B4GALNT3: variants seen among roughly 807,000 people sequenced by gnomAD.
The protein encoded by B4GALNT3 is beta-1,4-N-acetylgalactosaminyltransferase 3.
In B4GALNT3, 86 loss-of-function variants were observed where a neutral mutation model predicts 120.2. The observed-to-expected ratio is 0.72, with a 90% CI of 0.60 to 0.86. The LOEUF is 0.86. Ranked by LOEUF, B4GALNT3 falls within the 40% of genes least tolerant of loss-of-function variation. B4GALNT3 has a pLI of 0.00. For synonymous variants in B4GALNT3, 518 were observed against 510.4 expected, an observed-to-expected ratio of 1.01 and a Z score of -0.20; for missense variants, 1,167 against 1,298.9, an observed-to-expected ratio of 0.90 and a Z score of 1.56.
chr12:481,633 T>A (rs114518743), intron 1 of B4GALNT3, among the ~76,000 whole-genome samples: 3,467 of 152,310 alleles, frequency 0.023, 123 homozygotes, highest in African/African-American at 0.079. Context: ...ATGGTGGAGC[T>A]GCCTGGGTGG....
At chr12:499,684 G>A (rs1313081111) in intron 1 of B4GALNT3, among the ~76,000 whole-genome samples, 2 of 149,424 alleles carry the variant, frequency 1.3e-5, no homozygotes, top group Admixed American at 6.9e-5. Flanking sequence ...CGTGGAGCCC[G>A]TGCTCTCACT....
At chr12:501,514 G>A (rs1031539189) in intron 1 of B4GALNT3, among the ~76,000 whole-genome samples, 1 of 152,138 alleles carries the variant, frequency 6.6e-6, no homozygotes, top group African/African-American at 2.4e-5. Flanking sequence ...CCAGGAGTTC[G>A]AGGCTGCAGT....
At chr12:558,999 C>T (rs1193230762) in intron 18 of B4GALNT3, among the ~76,000 whole-genome samples, 2 of 151,924 alleles carry the variant, frequency 1.3e-5, no homozygotes, top group African/African-American at 2.4e-5. Context: ...GAAAGGGAAA[C>T]GGACATGTAA....
intron 1 of B4GALNT3, among the ~76,000 whole-genome samples, chr12:523,514 C>T (rs191755004): frequency 2.0e-5 from 3 of 152,280 alleles, no homozygotes; most frequent in African/African-American, 4.8e-5. Flanking sequence ...GCGTCCTCCC[C>T]GGAATACTCT....
At chr12:514,679 A>C (rs1377077285) in intron 1 of B4GALNT3, among the ~76,000 whole-genome samples, 3 of 152,100 alleles carry the variant, frequency 2.0e-5, no homozygotes. Context: ...TCTAGGAAAC[A>C]AAAAAGGGTC....
chr12:495,907 A>G (rs112323813), intron 1 of B4GALNT3, among the ~76,000 whole-genome samples: 1 of 152,212 alleles, frequency 6.6e-6, no homozygotes, highest in African/African-American at 2.4e-5. Flanking sequence ...TATACATTTG[A>G]AAAGTTTACA....
At chr12:526,332 G>C (rs1451048838) in intron 1 of B4GALNT3, among the ~76,000 whole-genome samples, 1 of 152,144 alleles carries the variant, frequency 6.6e-6, no homozygotes, top group Admixed American at 6.5e-5. Context: ...CTTCCTCTTT[G>C]AAAGACTCCA....
Position 552,489 on chromosome 12 carries a change from A to G in B4GALNT3, c.1231A>G (p.Lys411Glu), listed in dbSNP as rs747643849. 1 of 1,613,912 alleles carries G rather than the reference A, an allele frequency of 6.2e-7. No homozygotes were observed. Among genetic ancestry groups the G allele is most frequent in the Non-Finnish European group, 8.5e-7 (1 of 1,179,984 alleles). The change falls in exon 13 of 20, where the codon AAG (lysine) becomes GAG (glutamate). Residue 411 changes from lysine to glutamate, a missense_variant. By Grantham distance (56) the Lys-to-Glu change is moderately conservative. Transcript: ENST00000266383. ...QDRFSFQEYI[K>E]IDQPEKQGLE... ...CAGGTTCAGCTTTCAGGAGTACATCAAGATTGACCAGCCTGAGAAGCAGGG... is the reference window on the plus strand; with the variant it reads ...CAGGTTCAGCTTTCAGGAGTACATCGAGATTGACCAGCCTGAGAAGCAGGG...
Position 559,179 on chromosome 12 carries a change from C to G in B4GALNT3, c.2762-116C>G, listed in dbSNP as rs2535406. 0.018 allele frequency: 24,970 copies of G among 1,402,340 alleles called. 3,444 individuals carry two copies. The African/African-American group carries it at 0.31, about 17-fold the overall frequency. 86.9% of individuals were successfully genotyped at this position (1,402,340 alleles called of 1,614,324 possible). A position where few individuals can be genotyped will look rare whatever the true frequency, so the allele number is the denominator to read the frequency against. On this transcript the variant is annotated intron_variant, in intron 18 of 19. Coordinates refer to ENST00000266383, the MANE Select transcript of B4GALNT3 (RefSeq NM_173593.4). ...TTCAGCTAAGACAGTTTTCAGCCTCCCTCAACCCCAGCCTCTGACTTTCAG... is the reference window on the plus strand; with the variant it reads ...TTCAGCTAAGACAGTTTTCAGCCTCGCTCAACCCCAGCCTCTGACTTTCAG...
At chr12:537,459 A>G (rs1301826095) in intron 3 of B4GALNT3, among the ~76,000 whole-genome samples, 2 of 152,074 alleles carry the variant, frequency 1.3e-5, no homozygotes, top group East Asian at 3.9e-4. Flanking sequence ...GTCTCACTAT[A>G]TTGCCCAGGC....
chr12:522,490 G>A (rs1946720035), intron 1 of B4GALNT3, among the ~76,000 whole-genome samples: 4 of 152,194 alleles, frequency 2.6e-5, no homozygotes. Flanking sequence ...AAAGTAGAGT[G>A]GTGGTTGCCA....
At chr12:560,050 A>C (rs1947209633) in intron 19 of B4GALNT3, among the ~76,000 whole-genome samples, 1 of 152,196 alleles carries the variant, frequency 6.6e-6, no homozygotes. Flanking sequence ...GGGCAGGGAC[A>C]CCAGGCCATG....
intron 1 of B4GALNT3, among the ~76,000 whole-genome samples, chr12:489,357 A>G (rs1258989895): frequency 1.3e-5 from 2 of 151,974 alleles, no homozygotes; most frequent in Non-Finnish European, 2.9e-5. Context: ...AAAATACAGA[A>G]AAAGAAAGGA....
intron 1 of B4GALNT3, among the ~76,000 whole-genome samples, chr12:494,910 T>G (rs1172869706): frequency 1.3e-5 from 2 of 152,150 alleles, no homozygotes; most frequent in Non-Finnish European, 2.9e-5. Flanking sequence ...ACTCGTTAGG[T>G]TGAAAATGTG....
At chr12:485,844 C>T (rs1048187260) in intron 1 of B4GALNT3, among the ~76,000 whole-genome samples, 1 of 152,108 alleles carries the variant, frequency 6.6e-6, no homozygotes, top group African/African-American at 2.4e-5. Flanking sequence ...ACTGGGAAAT[C>T]GACAATTCTT....
intron 1 of B4GALNT3, among the ~76,000 whole-genome samples, chr12:523,805 G>A (rs1167715297): frequency 6.6e-6 from 1 of 152,240 alleles, no homozygotes; most frequent in African/African-American, 2.4e-5. Flanking sequence ...GCTCATGCCT[G>A]TAATCCCAGC....
intron 1 of B4GALNT3, among the ~76,000 whole-genome samples, chr12:463,672 C>G (rs1193812647): frequency 1.3e-5 from 2 of 152,164 alleles, no homozygotes; most frequent in Non-Finnish European, 2.9e-5. Flanking sequence ...GGGCACAGCT[C>G]TCCCAACTAA....
At chr12:527,648 C>T (rs879531549) in intron 1 of B4GALNT3, among the ~76,000 whole-genome samples, 2 of 152,226 alleles carry the variant, frequency 1.3e-5, no homozygotes. Context: ...ACTTGCCCCC[C>T]CACCATGCAC....
At chr12:530,307 T>G (rs974838002) in intron 1 of B4GALNT3, among the ~76,000 whole-genome samples, 2 of 152,248 alleles carry the variant, frequency 1.3e-5, no homozygotes, top group Admixed American at 1.3e-4. Context: ...GGTTTAGGAT[T>G]TATACTTACG....
Sources: allele counts gnomAD v4.1 joint callset (sites outside exome capture counted in the v4.1 genomes callset), GRCh38; gene constraint gnomAD v4.1.1; transcripts MANE v1.5; gene names NCBI Gene and HGNC (gene_info 2026-07-23, HGNC 2026-07-21).